Variants in SUSD1 observed in about 807,000 individuals in gnomAD.
SUSD1 encodes sushi domain containing 1.
SUSD1 carries 65 observed loss-of-function variants against 86.9 expected under a neutral mutation model. The ratio of observed to expected loss-of-function variants is 0.75; its 90% CI spans 0.61 to 0.92. The LOEUF (loss-of-function observed/expected upper bound fraction) is 0.92, where lower values mean the gene tolerates loss of function less well. Among genes scored for constraint, SUSD1 ranks in the 40% least tolerant of loss-of-function variants. The pLI is 0.00. For synonymous variants in SUSD1, 346 were observed against 350.0 expected (o/e 0.99, Z 0.13); for missense variants, 850 against 929.7 (o/e 0.91, Z 1.11).
At chr9:112,124,489 C>A in intron 5 of SUSD1, 53 bp from the exon 6 acceptor site, 1 of 1,504,122 alleles carries the variant, frequency 6.6e-7, no homozygotes, top group South Asian at 1.3e-5. Flanking sequence ...TCCAGCCCTA[C>A]AATTCATATC....
rs201054428 is a variant in SUSD1, at chr9:112,080,103, T to C, written c.1537A>G (p.Lys513Glu). Residue 513 changes from lysine (K) to glutamate (E), a missense_variant, in exon 11 of 17, where the codon AAG becomes GAG. Physicochemically the swap from Lys to Glu is moderately conservative, Grantham distance 56. Transcript: ENST00000374270. ...NETCLRWRSI[K>E]TADMEEMYLF... is the part of the protein sequence containing the mutation. Reference sequence around the variant, plus strand: ...TACATCTCCTCCATATCAGCTGTCTTGATGCTTCTCCATCTCAAGCAGGTT... The same window carrying C: ...TACATCTCCTCCATATCAGCTGTCTCGATGCTTCTCCATCTCAAGCAGGTT... 225 of 1,613,436 alleles carry C rather than the reference T, an allele frequency of 1.4e-4. No individual in the cohort carries two copies. Among genetic ancestry groups the C allele is most frequent in the Non-Finnish European group, 1.8e-4 (215 of 1,179,530 alleles).
At chr9:112,050,390 G>A (rs1828138214) in intron 15 of SUSD1, among the ~76,000 whole-genome samples, 1 of 152,102 alleles carries the variant, frequency 6.6e-6, no homozygotes, top group African/African-American at 2.4e-5. Context: ...TTTGAGCAGA[G>A]GTAAAAAGAT....
intron 8 of SUSD1, among the ~76,000 whole-genome samples, chr9:112,104,306 C>T (rs757831456): frequency 2.1e-4 from 32 of 151,942 alleles, no homozygotes; most frequent in Non-Finnish European, 4.3e-4. Flanking sequence ...GCATGAACCA[C>T]CACGCCCCTA....
intron 3 of SUSD1, among the ~76,000 whole-genome samples, chr9:112,146,622 T>C (rs1832820513): frequency 6.7e-6 from 1 of 149,124 alleles, no homozygotes; most frequent in Non-Finnish European, 1.5e-5. Flanking sequence ...CTCCTCCTCA[T>C]TCTTCTTCCT....
chr9:112,110,514 G>C (rs1448862655), intron 8 of SUSD1, among the ~76,000 whole-genome samples: 1 of 151,616 alleles, frequency 6.6e-6, no homozygotes, highest in Non-Finnish European at 1.5e-5. Flanking sequence ...AGCCACCCGA[G>C]TAACTGGGAC....
intron 12 of SUSD1, among the ~76,000 whole-genome samples, chr9:112,067,262 G>T (rs1829024377): frequency 6.6e-6 from 1 of 152,246 alleles, no homozygotes; most frequent in African/African-American, 2.4e-5. Context: ...CATCCTCCCA[G>T]GTCTGGCTGG....
chr9:112,066,852 G>A (rs1829002586), intron 12 of SUSD1, among the ~76,000 whole-genome samples: 1 of 152,018 alleles, frequency 6.6e-6, no homozygotes, highest in Non-Finnish European at 1.5e-5. Context: ...AATCTGTTTA[G>A]GAGATTGGAG....
chr9:112,122,334 A>G (rs574503778), intron 6 of SUSD1, among the ~76,000 whole-genome samples: 1 of 152,114 alleles, frequency 6.6e-6, no homozygotes, highest in Admixed American at 6.6e-5. Context: ...CAAATTTTTA[A>G]TTTTTTGTAG....
Position 112,080,088 on chromosome 9 carries a change from C to A in SUSD1, c.1552G>T (p.Glu518Ter). ...RWRSIKTADM[E>*]EMYLFHIWGQ... ...CAGTCACTTACTAAATACATCTCCTCCATATCAGCTGTCTTGATGCTTCTC... is the reference window on the plus strand; with the variant it reads ...CAGTCACTTACTAAATACATCTCCTACATATCAGCTGTCTTGATGCTTCTC... The change falls in exon 11 of 17, where the codon GAG (glutamate) becomes TAG (stop). Residue 518 changes from glutamate to a stop codon, truncating the protein, a stop_gained. Coordinates refer to ENST00000374270, the MANE Select transcript of SUSD1 (RefSeq NM_022486.5). LOFTEE classifies it high-confidence loss of function. 1.2e-6 allele frequency: 2 copies of A among 1,612,178 alleles called. No homozygotes were observed. The highest frequency in any genetic ancestry group is 1.7e-6 in the Non-Finnish European group (2 of 1,178,352).
chr9:112,065,296 G>A (rs11794680), intron 12 of SUSD1, among the ~76,000 whole-genome samples: 1 of 152,164 alleles, frequency 6.6e-6, no homozygotes, highest in African/African-American at 2.4e-5. Context: ...GCAGAGGTGG[G>A]CGGATCACTT....
Position 112,058,694 on chromosome 9 carries a change from A to G in SUSD1, c.1851-8T>C, listed in dbSNP as rs1422283820. On this transcript the variant is annotated splice_region_variant and splice_polypyrimidine_tract_variant and intron_variant, in intron 13 of 16. Coordinates refer to ENST00000374270, the MANE Select transcript of SUSD1 (RefSeq NM_022486.5). The stretch of plus-strand genomic sequence containing the variant: ...ACTAACACCTGATATGAACTGGAAG[A>G]AAAAAGGAGAAGTGTCCATCAGACC... 6.2e-7 allele frequency: 1 copy of G among 1,613,244 alleles called. No individual in the cohort carries two copies. The highest frequency in any genetic ancestry group is 1.3e-5 in the African/African-American group (1 of 74,822).
Position 112,155,813 on chromosome 9 carries a change from G to C in SUSD1, c.217+1687C>G, listed in dbSNP as rs530142518. Among the ~76,000 whole-genome samples, 19 of 150,598 alleles carry C rather than the reference G, an allele frequency of 1.3e-4. No homozygotes were observed. The South Asian group carries it at 4.0e-3, about 32-fold the overall frequency. On this transcript the variant is annotated intron_variant, in intron 2 of 16. Transcript: ENST00000374270. ...CCTGTATCTACTAAAAATGAAGAAG[G>C]GGAAGAAGAAAAGGAAGAAGAGAAT...
chr9:112,066,132 T>C (rs1828969039), intron 12 of SUSD1, among the ~76,000 whole-genome samples: 1 of 152,228 alleles, frequency 6.6e-6, no homozygotes, highest in East Asian at 1.9e-4. Flanking sequence ...TTCGCTACAT[T>C]GCCAGGCCAT....
chr9:112,118,652 T>C (rs1356251080), intron 6 of SUSD1, among the ~76,000 whole-genome samples: 2 of 152,098 alleles, frequency 1.3e-5, no homozygotes. Flanking sequence ...ACCCAGCTAA[T>C]TTTTGTATCT....
intron 1 of SUSD1, among the ~76,000 whole-genome samples, chr9:112,159,073 A>T (rs1833458940): frequency 6.6e-6 from 1 of 152,086 alleles, no homozygotes; most frequent in Non-Finnish European, 1.5e-5. Flanking sequence ...CAGTAGGATG[A>T]CCAGATCCCA....
intron 10 of SUSD1, among the ~76,000 whole-genome samples, chr9:112,088,153 T>C (rs547397613): frequency 2.6e-5 from 4 of 152,334 alleles, no homozygotes; most frequent in Admixed American, 6.5e-5. Flanking sequence ...ATCAAGGCTA[T>C]ACAGATACAA....
intron 5 of SUSD1, among the ~76,000 whole-genome samples, chr9:112,129,592 C>T (rs1005995013): frequency 2.0e-5 from 3 of 152,210 alleles, no homozygotes; most frequent in South Asian, 2.1e-4. Context: ...GGATTACAGG[C>T]GTGAGCCATC....
In SUSD1 at chr9:112,128,092, A is replaced by AT. The variant is rs555528571; in HGVS notation, c.707-3657dup. Among the ~76,000 whole-genome samples, 115 of 149,254 alleles carry AT rather than the reference A, an allele frequency of 7.7e-4. 1 individual carries two copies. The highest frequency in any genetic ancestry group is 2.6e-3 in the African/African-American group (107 of 40,390). ...AACTTTTTTTGTTTGTTTTTTGTTT[A>AT]TTTTTGTTTTTGTTTGTTTTGAGAC... On this transcript the variant is annotated intron_variant, in intron 5 of 16. Coordinates refer to ENST00000374270, the MANE Select transcript of SUSD1 (RefSeq NM_022486.5).
intron 5 of SUSD1, among the ~76,000 whole-genome samples, chr9:112,136,572 T>C (rs1422179674): frequency 6.6e-6 from 1 of 152,190 alleles, no homozygotes; most frequent in Non-Finnish European, 1.5e-5. Context: ...TCCTATCACC[T>C]GGAACACAGA....
Sources: gnomAD v4.1 joint callset for allele counts (sites outside exome capture counted in the v4.1 genomes callset) on GRCh38, gnomAD v4.1.1 for gene constraint, MANE v1.5 for transcripts, NCBI Gene and HGNC (gene_info 2026-07-23, HGNC 2026-07-21) for gene names.